The following NDUFS5 variants were observed in gnomAD, a reference collection of about 807,000 sequenced individuals.
The protein encoded by NDUFS5 is NADH dehydrogenase [ubiquinone] iron-sulfur protein 5.
In NDUFS5, 7 loss-of-function variants were observed where a neutral mutation model predicts 10.5. The observed-to-expected ratio is 0.66, with a 90% CI of 0.38 to 1.25. The LOEUF is 1.25. Ranked by LOEUF, NDUFS5 falls within the 50% of genes most tolerant of loss-of-function variation. The probability of loss-of-function intolerance (pLI) is 0.02; values close to 1 mark genes in which losing one functional copy is unlikely to be tolerated. For synonymous variants in NDUFS5, 38 were observed against 44.0 expected, an observed-to-expected ratio of 0.86 and a Z score of 0.54; for missense variants, 148 against 140.7, an observed-to-expected ratio of 1.05 and a Z score of -0.26.
At position 39,028,754 on chromosome 1, in the gene NDUFS5, C is replaced by T. The variant is rs61734091; in HGVS notation, c.30C>T (p.Phe10=). MPFLDIQKR[F]GLNIDRWLTI... ...CTTTCTTGGACATCCAGAAAAGGTT[C>T]GGCCTTAACATAGATCGATGGTTGA... Residue 10 remains phenylalanine, a synonymous_variant, in exon 2 of 3, where the codon TTC becomes TTT. Coordinates refer to ENST00000372969, the MANE Select transcript of NDUFS5 (RefSeq NM_004552.3). 0.013 allele frequency: 20,356 copies of T among 1,613,884 alleles called. 151 individuals are homozygous for T. Among genetic ancestry groups the T allele is most frequent in the Non-Finnish European group, 0.015 (17,614 of 1,179,930 alleles).
At chr1:39,030,496 G>A (rs1433056397) in intron 2 of NDUFS5, among the ~76,000 whole-genome samples, 1 of 151,766 alleles carries the variant, frequency 6.6e-6, no homozygotes, top group Non-Finnish European at 1.5e-5. Flanking sequence ...CACAAGGTCA[G>A]GAGTTCGAGA....
chr1:39,033,295 C>T (rs926121467), intron 2 of NDUFS5, among the ~76,000 whole-genome samples: 3 of 151,978 alleles, frequency 2.0e-5, no homozygotes, highest in Non-Finnish European at 2.9e-5. Flanking sequence ...AAGTGCTTGC[C>T]GGGTGCGGTG....
chr1:39,032,719 G>A (rs1370171765), intron 2 of NDUFS5, among the ~76,000 whole-genome samples: 1 of 152,148 alleles, frequency 6.6e-6, no homozygotes, highest in Non-Finnish European at 1.5e-5. Context: ...CAGAAGGATA[G>A]AAAGTGCTAG....
At position 39,029,741 on chromosome 1, in the gene NDUFS5, G is replaced by A. The variant is rs138286085; in HGVS notation, c.216+801G>A. ...GTTAATGAGATTGCTGTACATGAGC[G>A]TGAACAACGATGCAGTGGAAAAGGG... On this transcript the variant is annotated intron_variant, in intron 2 of 2. Transcript: ENST00000372969. 6.6e-5 allele frequency among the ~76,000 whole-genome samples: 10 copies of A among 152,264 alleles called. No individual in the cohort carries two copies. The South Asian group carries it at 8.3e-4, about 13-fold the overall frequency.
rs1205128746 is a variant in NDUFS5 at position 39,034,541 on chromosome 1, G to C, written c.*45G>C. 4 of 1,530,864 alleles carry C rather than the reference G, an allele frequency of 2.6e-6. No homozygotes were observed. Among genetic ancestry groups the C allele is most frequent in the Non-Finnish European group, 2.7e-6 (3 of 1,105,492 alleles). 94.8% of individuals were successfully genotyped at this position (1,530,864 alleles called of 1,614,324 possible). ...CTGGAGGCTGATTTTCCTGTTCTCT[G>C]TTCTCCACTGGAAAGGTTGTTTACG... On this transcript the variant is annotated 3_prime_UTR_variant, in exon 3 of 3. Coordinates refer to ENST00000372969, the MANE Select transcript of NDUFS5 (RefSeq NM_004552.3).
chr1:39,028,582 A>G, intron 1 of NDUFS5, 141 bp from the exon 2 acceptor site: 1 of 787,340 alleles, frequency 1.3e-6, no homozygotes. Flanking sequence ...AAGTTTGGTG[A>G]GAAGAAATCA....
intron 2 of NDUFS5, among the ~76,000 whole-genome samples, chr1:39,029,463 C>G (rs1177516443): frequency 1.3e-5 from 2 of 152,196 alleles, no homozygotes; most frequent in African/African-American, 4.8e-5. Flanking sequence ...CATTCTTTCT[C>G]TTCTCCCAAA....
chr1:39,033,605 G>A (rs558549046), intron 2 of NDUFS5, among the ~76,000 whole-genome samples: 127 of 139,228 alleles, frequency 9.1e-4, no homozygotes, highest in Middle Eastern at 8.0e-3. Context: ...GGGTTCAAGC[G>A]ATTCTCCTGC....
intron 1 of NDUFS5, 23 bp from the exon 2 acceptor site, chr1:39,028,699 AT>A: frequency 6.2e-7 from 1 of 1,607,230 alleles, no homozygotes; most frequent in Non-Finnish European, 8.5e-7. Flanking sequence ...TTATTTACTT[AT>A]TTTTTTAAAT....
chr1:39,034,333 G>C, intron 2 of NDUFS5, 59 bp from the exon 3 acceptor site: 1 of 1,538,108 alleles, frequency 6.5e-7, no homozygotes, highest in South Asian at 1.1e-5. Flanking sequence ...TGTTTTTCCA[G>C]TTCTCACTTT....
Position 39,026,999 on chromosome 1 carries a change from G to A in NDUFS5, c.-3+597G>A, listed in dbSNP as rs139962578. On this transcript the variant is annotated intron_variant, in intron 1 of 2. Coordinates refer to ENST00000372969, the MANE Select transcript of NDUFS5 (RefSeq NM_004552.3). The stretch of plus-strand genomic sequence containing the variant: ...GCTTACGTTGGAGCTGCTTTCCCCC[G>A]CATCTGAGTGCCTGGAACGTAACTA... Among the ~76,000 whole-genome samples the A allele has an allele frequency of 5.9e-5, 9 of 152,300 alleles. No homozygotes were observed. In the East Asian group the frequency reaches 1.7e-3, roughly 29 times the overall value.
chr1:39,027,528 C>G (rs2148079818), intron 1 of NDUFS5, among the ~76,000 whole-genome samples: 1 of 148,656 alleles, frequency 6.7e-6, no homozygotes, highest in Non-Finnish European at 1.5e-5. Flanking sequence ...ATTTTTTTCC[C>G]TACTGTCTGT....
chr1:39,027,946 T>TAC (rs1644163652), intron 1 of NDUFS5, among the ~76,000 whole-genome samples: 1 of 146,954 alleles, frequency 6.8e-6, no homozygotes, highest in Non-Finnish European at 1.5e-5. Context: ...GCCTCCCGAA[T>TAC]AGTTGGGATT....
chr1:39,028,625 T>C, intron 1 of NDUFS5, 98 bp from the exon 2 acceptor site: 1 of 1,052,850 alleles, frequency 9.5e-7, no homozygotes, highest in Non-Finnish European at 1.4e-6. Context: ...TCTAGAGGGC[T>C]ACTTAGCATG....
chr1:39,028,990 GA>G, intron 2 of NDUFS5, 50 bp downstream of exon 2: 1 of 1,465,406 alleles, frequency 6.8e-7, no homozygotes, highest in African/African-American at 1.5e-5. Flanking sequence ...GTTCCTTTGG[GA>G]CTCTTTTTTT....
intron 2 of NDUFS5, among the ~76,000 whole-genome samples, chr1:39,033,449 T>C (rs1644206413): frequency 6.7e-6 from 1 of 149,910 alleles, no homozygotes; most frequent in African/African-American, 2.5e-5. Flanking sequence ...GGCGGGCGCC[T>C]GTAGTCCCAG....
intron 1 of NDUFS5, among the ~76,000 whole-genome samples, chr1:39,026,611 T>G (rs1644150670): frequency 6.6e-6 from 1 of 152,158 alleles, no homozygotes; most frequent in Admixed American, 6.5e-5. Flanking sequence ...CCACATTTGT[T>G]TAGGTTTTTG....
chr1:39,033,669 T>G (rs1644208249), intron 2 of NDUFS5, among the ~76,000 whole-genome samples: 1 of 149,448 alleles, frequency 6.7e-6, no homozygotes, highest in Non-Finnish European at 1.5e-5. Context: ...GCCTGGCTAA[T>G]TTTTGTATTT....
At chr1:39,033,477 G>T (rs1240260479) in intron 2 of NDUFS5, among the ~76,000 whole-genome samples, 1 of 151,172 alleles carries the variant, frequency 6.6e-6, no homozygotes, top group East Asian at 2.0e-4. Context: ...GGAGGCTGAG[G>T]CAGGAGAATG....
Sources: allele counts gnomAD v4.1 joint callset (sites outside exome capture counted in the v4.1 genomes callset), GRCh38; gene constraint gnomAD v4.1.1; transcripts MANE v1.5; gene names NCBI Gene and HGNC (gene_info 2026-07-23, HGNC 2026-07-21).